Variants in BICD1 observed in about 807,000 individuals in gnomAD.
BICD1 encodes protein bicaudal D homolog 1.
In BICD1, 35 loss-of-function variants were observed where a neutral mutation model predicts 92.5. The ratio of observed to expected loss-of-function variants is 0.38; its 90% CI spans 0.29 to 0.50. The LOEUF is 0.50. BICD1 is among the 20% of genes least tolerant of loss of function. The pLI, the probability that BICD1 is intolerant of heterozygous loss-of-function variation, is 0.93. For missense variants in BICD1, 950 were observed against 1,189.8 expected (o/e 0.80, Z 2.97); for synonymous variants, 429 against 465.1 (o/e 0.92, Z 1.00).
intron 1 of BICD1, among the ~76,000 whole-genome samples, chr12:32,196,709 T>C (rs1320924916): frequency 6.6e-6 from 1 of 152,180 alleles, no homozygotes. Flanking sequence ...ATGTTCAACA[T>C]GGTGAATATA....
chr12:32,120,525 C>T (rs1054522167), intron 1 of BICD1, among the ~76,000 whole-genome samples: 2 of 152,078 alleles, frequency 1.3e-5, no homozygotes, highest in Non-Finnish European at 2.9e-5. Flanking sequence ...TTGAAGAGCT[C>T]TTAGTCATCA....
intron 1 of BICD1, among the ~76,000 whole-genome samples, chr12:32,187,248 A>G (rs1395688850): frequency 6.6e-6 from 1 of 152,254 alleles, no homozygotes; most frequent in Non-Finnish European, 1.5e-5. Flanking sequence ...AAAGTCTTGC[A>G]AATCAATTTA....
intron 2 of BICD1, among the ~76,000 whole-genome samples, chr12:32,248,074 C>T (rs1946436097): frequency 6.6e-6 from 1 of 151,978 alleles, no homozygotes. Context: ...CAGAGCGAGA[C>T]TCCATCAAAC....
At chr12:32,246,029 C>CAA (rs71068311) in intron 2 of BICD1, among the ~76,000 whole-genome samples, 14,765 of 44,610 alleles carry the variant, frequency 0.33, 2,844 homozygotes, top group Middle Eastern at 0.38. Context: ...TACTCTGTCT[C>CAA]AAAAAAAAAA....
At position 32,223,574 on chromosome 12, in the gene BICD1, C is replaced by T. The variant is rs116263948; in HGVS notation, c.426+7115C>T. Among the ~76,000 whole-genome samples, 969 of 150,432 alleles carry T rather than the reference C, an allele frequency of 6.4e-3. 13 individuals are homozygous for T. The highest frequency in any genetic ancestry group is 0.022 in the African/African-American group (913 of 41,072). ...GCCCTTGCTCTGGATTAGGCTTTGG[C>T]TGGTTTGATCTTCTATCCAGACCTT... On this transcript the variant is annotated intron_variant, in intron 2 of 9. Transcript: ENST00000652176.
intron 2 of BICD1, among the ~76,000 whole-genome samples, chr12:32,278,576 G>A (rs1055880833): frequency 2.0e-5 from 3 of 152,220 alleles, no homozygotes; most frequent in South Asian, 2.1e-4. Flanking sequence ...CTAGCAGCCC[G>A]GGCGAGGTGG....
chr12:32,367,439 C>T (rs187976856), intron 8 of BICD1: 3 of 415,822 alleles, frequency 7.2e-6, no homozygotes, highest in African/African-American at 2.0e-5. Flanking sequence ...TGAGAAATCT[C>T]GCTACTAATG....
intron 1 of BICD1, among the ~76,000 whole-genome samples, chr12:32,185,693 T>C (rs1944407719): frequency 6.6e-6 from 1 of 152,182 alleles, no homozygotes; most frequent in Non-Finnish European, 1.5e-5. Context: ...CAGCCACTCC[T>C]GGCATCAATG....
At chr12:32,187,970 G>C (rs932896015) in intron 1 of BICD1, among the ~76,000 whole-genome samples, 1 of 150,458 alleles carries the variant, frequency 6.6e-6, no homozygotes, top group Non-Finnish European at 1.5e-5. Context: ...ACGGAGTCTC[G>C]CTCTGTTGCC....
chr12:32,262,596 G>A (rs1343940380), intron 2 of BICD1, among the ~76,000 whole-genome samples: 1 of 152,180 alleles, frequency 6.6e-6, no homozygotes, highest in Non-Finnish European at 1.5e-5. Context: ...ATTAAGATAA[G>A]GATCTAGAGA....
rs1313994174 is a variant in BICD1, at chr12:32,107,795, G to A, written c.213+251G>A. ...TTTGGCCTGCGGGGGAGGGAGATTA[G>A]TAAGAGTCATCAAGTCTCAGCACTC... is the stretch of plus-strand genomic sequence containing the variant. On this transcript the variant is annotated intron_variant, in intron 1 of 9. Coordinates refer to ENST00000652176, the MANE Select transcript of BICD1 (RefSeq NM_001714.4). 8 of 700,974 alleles carry A rather than the reference G, an allele frequency of 1.1e-5. No homozygotes were observed. The East Asian group carries it at 1.9e-4, about 16-fold the overall frequency. 43.4% of individuals were successfully genotyped at this position (700,974 alleles called of 1,614,324 possible).
At chr12:32,179,984 G>A (rs868523412) in intron 1 of BICD1, among the ~76,000 whole-genome samples, 6 of 76,914 alleles carry the variant, frequency 7.8e-5, no homozygotes, top group Non-Finnish European at 7.7e-5. Context: ...AGCAAGACAC[G>A]CTCTCAAAAA....
At chr12:32,284,981 CTCTTT>C (rs1947525037) in intron 2 of BICD1, among the ~76,000 whole-genome samples, 1 of 152,198 alleles carries the variant, frequency 6.6e-6, no homozygotes, top group African/African-American at 2.4e-5. Context: ...TTTCTGTCTT[CTCTTT>C]TCTTTTGATC....
intron 1 of BICD1, among the ~76,000 whole-genome samples, chr12:32,188,372 C>T (rs1944476814): frequency 6.6e-6 from 1 of 152,176 alleles, no homozygotes; most frequent in African/African-American, 2.4e-5. Flanking sequence ...GATTAGTGAG[C>T]ACATCATAGA....
intron 1 of BICD1, among the ~76,000 whole-genome samples, chr12:32,115,927 A>G (rs1223495422): frequency 6.6e-6 from 1 of 152,258 alleles, no homozygotes; most frequent in East Asian, 1.9e-4. Flanking sequence ...GTTGGGCTTT[A>G]TTACGTTATC....
rs1416404450 is a variant in BICD1 at position 32,228,278 on chromosome 12, GA to G, written c.426+11823del. ...ATAAATGTCCAATTGTCCATTTGTT[GA>G]AAAGACTACTCTTTCTCCATTGACT... On this transcript the variant is annotated intron_variant, in intron 2 of 9. Transcript: ENST00000652176. 5.9e-5 allele frequency: 9 copies of G among 152,288 alleles called. 1 individual carries two copies. The highest frequency in any genetic ancestry group is 5.9e-4 in the Admixed American group (9 of 15,272). The allele number at this position is 152,288 out of a possible 1,614,324, so 9.4% of individuals were successfully genotyped here.
At chr12:32,319,389 T>G (rs1304679262) in intron 4 of BICD1, among the ~76,000 whole-genome samples, 2 of 152,212 alleles carry the variant, frequency 1.3e-5, no homozygotes, top group Non-Finnish European at 2.9e-5. Context: ...TATGGTATAT[T>G]ATATTTATTG....
intron 8 of BICD1, among the ~76,000 whole-genome samples, chr12:32,359,096 T>C (rs1565695212): frequency 6.6e-6 from 1 of 152,118 alleles, no homozygotes; most frequent in Non-Finnish European, 1.5e-5. Context: ...AACCATGGCG[T>C]GTTGATTTTA....
At chr12:32,165,552 G>A (rs1313405702) in intron 1 of BICD1, among the ~76,000 whole-genome samples, 1 of 151,964 alleles carries the variant, frequency 6.6e-6, no homozygotes, top group East Asian at 1.9e-4. Context: ...GGGCGTGGTG[G>A]TGCGTGCCTA....
Sources: gnomAD v4.1 joint callset for allele counts (sites outside exome capture counted in the v4.1 genomes callset) on GRCh38, gnomAD v4.1.1 for gene constraint, MANE v1.5 for transcripts, NCBI Gene and HGNC (gene_info 2026-07-23, HGNC 2026-07-21) for gene names.